Variants in MSRA observed in about 807,000 individuals in gnomAD.
MSRA encodes the protein mitochondrial peptide methionine sulfoxide reductase.
A neutral mutation model predicts 31.3 loss-of-function variants in MSRA; 54 were observed. The observed-to-expected ratio is 1.73, with a 90% confidence interval of 1.39 to 2.17. The LOEUF (loss-of-function observed/expected upper bound fraction) is 2.17. MSRA is among the 30% of genes most tolerant of loss of function. The pLI is 0.00. For missense variants in MSRA, 507 were observed against 300.9 expected, an observed-to-expected ratio of 1.69 and a Z score of -5.07; for synonymous variants, 169 against 116.5, an observed-to-expected ratio of 1.45 and a Z score of -2.90.
intron 5 of MSRA, among the ~76,000 whole-genome samples, chr8:10,379,040 C>G (rs1475715234): frequency 2.0e-5 from 3 of 152,144 alleles, no homozygotes; most frequent in Non-Finnish European, 4.4e-5. Flanking sequence ...GACTTTTTTT[C>G]ACTTAACAGT....
In MSRA at chr8:10,245,090, T is replaced by C; in HGVS notation, c.212-14T>C. The C allele has an allele frequency of 1.9e-6, 3 of 1,609,722 alleles. No individual in the cohort carries two copies. Among genetic ancestry groups the C allele is most frequent in the South Asian group, 2.2e-5 (2 of 89,966 alleles). ...ATAATCAGTATCCTTTTTTTTTCTT[T>C]TTTCTTTTTTAAGGAATGGGATGTT... is the stretch of plus-strand genomic sequence containing the variant. On this transcript the variant is annotated splice_polypyrimidine_tract_variant and intron_variant, in intron 2 of 5. Transcript: ENST00000317173.
rs145136514 is a variant in MSRA at position 10,187,661 on chromosome 8, T to C, written c.143-20172T>C. Among the ~76,000 whole-genome samples, 283 of 152,354 alleles carry C rather than the reference T, an allele frequency of 1.9e-3. 3 individuals carry two copies. Among genetic ancestry groups the C allele is most frequent in the African/African-American group, 6.5e-3 (270 of 41,590 alleles). On this transcript the variant is annotated intron_variant, in intron 1 of 5. Transcript: ENST00000317173. ...GGTTTGTATTTCTTCCCATAGTGTT[T>C]TGATTACACTAAGCGTTACCGGCAG...
At chr8:10,095,050 A>G (rs533064221) in intron 1 of MSRA, among the ~76,000 whole-genome samples, 1 of 152,244 alleles carries the variant, frequency 6.6e-6, no homozygotes, top group Non-Finnish European at 1.5e-5. Flanking sequence ...TCCATAGGAT[A>G]AAGCATGACA....
chr8:10,295,135 CTT>C (rs1800463256), intron 3 of MSRA, among the ~76,000 whole-genome samples: 1 of 152,114 alleles, frequency 6.6e-6, no homozygotes, highest in East Asian at 1.9e-4. Flanking sequence ...TTTCCTGGCT[CTT>C]TGCCTACTGT....
chr8:10,182,695 T>C (rs59255182), intron 1 of MSRA, among the ~76,000 whole-genome samples: 53,340 of 152,080 alleles, frequency 0.35, 10,288 homozygotes, highest in East Asian at 0.52. Context: ...CCAAGAGCCA[T>C]TGGGCTCAGG....
chr8:10,198,308 TTTA>T (rs1808173834), intron 1 of MSRA, among the ~76,000 whole-genome samples: 1 of 114,548 alleles, frequency 8.7e-6, no homozygotes, highest in Non-Finnish European at 1.8e-5. Flanking sequence ...AGGAGGATAC[TTTA>T]TTATTTTTTT....
chr8:10,369,360 C>T (rs973745325), intron 5 of MSRA, among the ~76,000 whole-genome samples: 10 of 94,904 alleles, frequency 1.1e-4, no homozygotes, highest in Non-Finnish European at 1.6e-4. Context: ...GCACTACTGC[C>T]CCCCTAATGG....
chr8:10,313,991 A>G (rs10090440), intron 4 of MSRA, among the ~76,000 whole-genome samples: 21,451 of 152,228 alleles, frequency 0.14, 1,780 homozygotes, highest in African/African-American at 0.22. Flanking sequence ...GCCTCACACC[A>G]TACACAAAAA....
chr8:10,245,841 G>A (rs1490847856), intron 3 of MSRA, among the ~76,000 whole-genome samples: 3 of 152,230 alleles, frequency 2.0e-5, no homozygotes, highest in Admixed American at 2.0e-4. Flanking sequence ...GCGCTAGCTA[G>A]ACCAGAGCCA....
At chr8:10,401,670 C>T (rs1413269539) in intron 5 of MSRA, among the ~76,000 whole-genome samples, 1 of 113,956 alleles carries the variant, frequency 8.8e-6, no homozygotes, top group Admixed American at 9.4e-5. Context: ...TGCCCGTCAT[C>T]AGATGAATGG....
chr8:10,339,631 T>A (rs1219394658), intron 5 of MSRA, among the ~76,000 whole-genome samples: 1 of 135,806 alleles, frequency 7.4e-6, no homozygotes, highest in African/African-American at 2.7e-5. Context: ...AAGCTCCGCC[T>A]CCCAGGTTCA....
intron 5 of MSRA, among the ~76,000 whole-genome samples, chr8:10,375,062 G>T (rs970420289): frequency 4.6e-5 from 7 of 152,210 alleles, no homozygotes; most frequent in Non-Finnish European, 1.0e-4. Flanking sequence ...TGCTATGCTT[G>T]TGCAGCCTGC....
At chr8:10,056,015 T>C (rs1194677388) in intron 1 of MSRA, among the ~76,000 whole-genome samples, 1 of 152,004 alleles carries the variant, frequency 6.6e-6, no homozygotes, top group Non-Finnish European at 1.5e-5. Flanking sequence ...TATATAGATT[T>C]ATAAAATATA....
At chr8:10,141,326 C>G (rs980289461) in intron 1 of MSRA, among the ~76,000 whole-genome samples, 1 of 152,164 alleles carries the variant, frequency 6.6e-6, no homozygotes, top group Non-Finnish European at 1.5e-5. Context: ...GGAAGCAGAC[C>G]TAGAAAAGTT....
intron 1 of MSRA, among the ~76,000 whole-genome samples, chr8:10,174,042 G>C (rs1805830016): frequency 6.6e-6 from 1 of 152,108 alleles, no homozygotes; most frequent in Admixed American, 6.5e-5. Flanking sequence ...TTCTAGCTTG[G>C]AACTCTGGCT....
chr8:10,310,073 G>A (rs1186562245), intron 4 of MSRA, among the ~76,000 whole-genome samples: 1 of 152,188 alleles, frequency 6.6e-6, no homozygotes, highest in Non-Finnish European at 1.5e-5. Context: ...ACTTCCTTGT[G>A]CTGACCCCTT....
intron 1 of MSRA, among the ~76,000 whole-genome samples, chr8:10,108,981 G>C (rs566390039): frequency 4.1e-4 from 63 of 152,226 alleles, no homozygotes; most frequent in South Asian, 3.1e-3. Context: ...TCCCTACCTG[G>C]GCTAGTGCTC....
At chr8:10,144,518 A>G (rs1454124199) in intron 1 of MSRA, among the ~76,000 whole-genome samples, 1 of 152,208 alleles carries the variant, frequency 6.6e-6, no homozygotes, top group African/African-American at 2.4e-5. Context: ...CAGAACCAAC[A>G]TTGCACGTAC....
intron 1 of MSRA, among the ~76,000 whole-genome samples, chr8:10,171,469 T>A (rs1042239178): frequency 6.6e-6 from 1 of 152,170 alleles, no homozygotes; most frequent in Non-Finnish European, 1.5e-5. Context: ...CCTTTTAGTT[T>A]CCGTGAGAGA....
Sources: gnomAD v4.1 joint callset for allele counts (sites outside exome capture counted in the v4.1 genomes callset) on GRCh38, gnomAD v4.1.1 for gene constraint, MANE v1.5 for transcripts, NCBI Gene and HGNC (gene_info 2026-07-23, HGNC 2026-07-21) for gene names.